The following VTI1A variants were observed in gnomAD, a reference collection of about 807,000 sequenced individuals.
The protein encoded by VTI1A is vesicle transport through interaction with t-SNAREs 1A, also known as vesicle transport through interaction with t-SNAREs homolog 1A.
Under a neutral mutation model 34.9 loss-of-function variants are expected in VTI1A, and 22 were observed. The observed-to-expected ratio is 0.63, with a 90% confidence interval of 0.45 to 0.90. The LOEUF is 0.90. Among genes scored for constraint, VTI1A ranks in the 40% least tolerant of loss-of-function variants. The probability of loss-of-function intolerance (pLI) is 0.00; values close to 1 mark genes in which losing one functional copy is unlikely to be tolerated. For synonymous variants in VTI1A, 87 were observed against 97.3 expected, an observed-to-expected ratio of 0.89 and a Z score of 0.62; for missense variants, 268 against 275.6, an observed-to-expected ratio of 0.97 and a Z score of 0.20.
chr10:112,453,237 A>G (rs1847307281), intron 1 of VTI1A, among the ~76,000 whole-genome samples: 2 of 152,188 alleles, frequency 1.3e-5, no homozygotes, highest in South Asian at 2.1e-4. Flanking sequence ...ACATACCAAG[A>G]ATACATACTG....
intron 7 of VTI1A, among the ~76,000 whole-genome samples, chr10:112,792,978 C>T (rs1564927709): frequency 6.6e-6 from 1 of 152,174 alleles, no homozygotes; most frequent in Non-Finnish European, 1.5e-5. Context: ...ACTCAAAAGC[C>T]TGTGATGCAC....
At chr10:112,830,149 CA>C in the VTI1A span, among the ~76,000 whole-genome samples, 1 of 152,142 alleles carries the variant, frequency 6.6e-6, no homozygotes, top group Non-Finnish European at 1.5e-5. Flanking sequence ...TCCAAGCTCA[CA>C]ATAGCCAGGG....
At chr10:112,794,861 G>C (rs1370065849) in intron 7 of VTI1A, among the ~76,000 whole-genome samples, 2 of 152,204 alleles carry the variant, frequency 1.3e-5, no homozygotes, top group South Asian at 4.1e-4. Flanking sequence ...TTCTGCTTTT[G>C]TATAAGTTTT....
At chr10:112,570,438 G>A (rs978405962) in intron 5 of VTI1A, among the ~76,000 whole-genome samples, 2 of 152,100 alleles carry the variant, frequency 1.3e-5, no homozygotes, top group Admixed American at 1.3e-4. Context: ...ATTGAGCCTG[G>A]ATTTTGTAAT....
intron 7 of VTI1A, among the ~76,000 whole-genome samples, chr10:112,687,296 C>T (rs563839744): frequency 4.5e-5 from 6 of 133,644 alleles, no homozygotes; most frequent in East Asian, 4.5e-4. Flanking sequence ...TGCAGTGGCG[C>T]GATCTCAGCT....
intron 4 of VTI1A, among the ~76,000 whole-genome samples, chr10:112,533,124 T>C (rs1242734000): frequency 1.3e-5 from 2 of 152,088 alleles, no homozygotes; most frequent in Non-Finnish European, 2.9e-5. Flanking sequence ...GTTGTCAAGA[T>C]TCCAAATAGG....
intron 3 of VTI1A, among the ~76,000 whole-genome samples, chr10:112,496,412 A>T (rs202125529): frequency 6.6e-6 from 1 of 151,954 alleles, no homozygotes; most frequent in African/African-American, 2.4e-5. Context: ...TCTACTAAAA[A>T]TATGAAAAAT....
At chr10:112,739,545 C>G (rs1341742884) in intron 7 of VTI1A, among the ~76,000 whole-genome samples, 1 of 152,214 alleles carries the variant, frequency 6.6e-6, no homozygotes, top group Non-Finnish European at 1.5e-5. Context: ...TTCCGAACCT[C>G]TTTTCATTTA....
rs375833947 is a variant in VTI1A, at chr10:112,612,295, A to G, written c.428-55923A>G. Reference sequence around the variant, plus strand: ...ATTAAGATTGGTAGAAACTAGAACAATAGTTTTCAGTCTAAATTAAATTTT... The same window carrying G: ...ATTAAGATTGGTAGAAACTAGAACAGTAGTTTTCAGTCTAAATTAAATTTT... On this transcript the variant is annotated intron_variant, in intron 5 of 7. Coordinates refer to ENST00000393077, the MANE Select transcript of VTI1A (RefSeq NM_145206.4). Among the ~76,000 whole-genome samples, 23 of 152,294 alleles carry G rather than the reference A, an allele frequency of 1.5e-4. No individual in the cohort carries two copies. The South Asian group carries it at 4.3e-3, about 29-fold the overall frequency.
At chr10:112,780,273 A>AAAATAAATAAATAAATAAATAAATAAAT (rs143844379) in intron 7 of VTI1A, among the ~76,000 whole-genome samples, 1 of 138,250 alleles carries the variant, frequency 7.2e-6, no homozygotes, top group Non-Finnish European at 1.5e-5. Flanking sequence ...CCTGTCTCTA[A>AAAATAAATAAATAAATAAATAAATAAAT]AAATAAATAA....
intron 5 of VTI1A, among the ~76,000 whole-genome samples, chr10:112,560,519 T>C (rs1026991196): frequency 1.3e-4 from 20 of 152,010 alleles, no homozygotes; most frequent in Admixed American, 1.2e-3. Context: ...TCCACAAGAA[T>C]GTAAGCTTCC....
the VTI1A span, among the ~76,000 whole-genome samples, chr10:112,844,800 G>A: frequency 3.1e-3 from 466 of 152,344 alleles, 4 homozygotes; most frequent in African/African-American, 0.011. Context: ...TCTTAACTGT[G>A]CAGCGCAAAA....
intron 5 of VTI1A, among the ~76,000 whole-genome samples, chr10:112,629,782 A>G (rs374330035): frequency 3.3e-5 from 5 of 152,196 alleles, no homozygotes; most frequent in Non-Finnish European, 5.9e-5. Context: ...TTTTAACTGG[A>G]TAATTCCTCA....
intron 5 of VTI1A, among the ~76,000 whole-genome samples, chr10:112,583,833 CA>C (rs1844046591): frequency 6.6e-6 from 1 of 152,114 alleles, no homozygotes; most frequent in East Asian, 1.9e-4. Flanking sequence ...AAAGAATGAA[CA>C]AAAGTACAAA....
At chr10:112,544,590 T>C (rs2134273922) in intron 5 of VTI1A, among the ~76,000 whole-genome samples, 1 of 151,452 alleles carries the variant, frequency 6.6e-6, no homozygotes, top group Non-Finnish European at 1.5e-5. Context: ...GGCACCAGCC[T>C]GCACAACATA....
At chr10:112,647,862 C>T (rs562450035) in intron 5 of VTI1A, among the ~76,000 whole-genome samples, 5 of 152,262 alleles carry the variant, frequency 3.3e-5, no homozygotes, top group East Asian at 1.9e-4. Context: ...CTTCGCCTCC[C>T]GGGCTCAGGT....
chr10:112,609,727 C>A (rs200239778), intron 5 of VTI1A, among the ~76,000 whole-genome samples: 1 of 152,010 alleles, frequency 6.6e-6, no homozygotes, highest in African/African-American at 2.4e-5. Context: ...CATATTATTA[C>A]GCCCTCAATT....
At chr10:112,687,462 T>C (rs2133871889) in intron 7 of VTI1A, among the ~76,000 whole-genome samples, 1 of 151,814 alleles carries the variant, frequency 6.6e-6, no homozygotes, top group Admixed American at 6.6e-5. Context: ...CTCGATCTCC[T>C]GACCTCGTGA....
At chr10:112,839,260 C>G in the VTI1A span, among the ~76,000 whole-genome samples, 1,151 of 152,252 alleles carry the variant, frequency 7.6e-3, 11 homozygotes, top group Non-Finnish European at 0.01. Context: ...GCTGACAACC[C>G]GCAAGCAATC....
Sources: allele counts gnomAD v4.1 joint callset (sites outside exome capture counted in the v4.1 genomes callset), GRCh38; gene constraint gnomAD v4.1.1; transcripts MANE v1.5; gene names NCBI Gene and HGNC (gene_info 2026-07-23, HGNC 2026-07-21).